Variants in MARF1 observed in about 807,000 individuals in gnomAD.
MARF1 encodes meiosis regulator and mRNA stability factor 1.
In MARF1, 24 loss-of-function variants were observed where a neutral mutation model predicts 168.2. The ratio of observed to expected loss-of-function variants is 0.14; its 90% CI spans 0.10 to 0.20. The LOEUF (loss-of-function observed/expected upper bound fraction) is 0.20, where lower values mean the gene tolerates loss of function less well. MARF1 is among the 10% of genes least tolerant of loss of function. The pLI is 1.00. For synonymous variants in MARF1, 868 were observed against 822.4 expected, an observed-to-expected ratio of 1.06 and a Z score of -0.95; for missense variants, 1,744 against 2,143.6, an observed-to-expected ratio of 0.81 and a Z score of 3.68.
intron 2 of MARF1, among the ~76,000 whole-genome samples, chr16:15,636,874 G>A (rs561863401): frequency 3.9e-5 from 6 of 152,238 alleles, no homozygotes; most frequent in Admixed American, 6.5e-5. Context: ...TGGCCCATCC[G>A]TGTTGCTGAT....
Position 15,599,014 on chromosome 16 carries a change from G to A in MARF1, c.4824C>T (p.His1608=), listed in dbSNP as rs369470257. ...KLGADGSGPS[H]TEQELLRLTD... ...TCAGGCGGAGAAGCTCCTGCTCTGTGTGACTGGGCCCTGGGCAAACAAGGA... is the reference window on the plus strand; with the variant it reads ...TCAGGCGGAGAAGCTCCTGCTCTGTATGACTGGGCCCTGGGCAAACAAGGA... Residue 1608 remains histidine (H), a synonymous_variant, in exon 26 of 27, where the codon CAC becomes CAT. Coordinates refer to ENST00000396368, the MANE Select transcript of MARF1 (RefSeq NM_014647.4). 2.0e-5 allele frequency: 32 copies of A among 1,607,954 alleles called. No individual in the cohort carries two copies. Among genetic ancestry groups the A allele is most frequent in the Non-Finnish European group, 2.6e-5 (31 of 1,177,568 alleles).
chr16:15,623,446 A>AT (rs1166243684), intron 10 of MARF1, among the ~76,000 whole-genome samples: 2 of 151,312 alleles, frequency 1.3e-5, no homozygotes, highest in African/African-American at 4.9e-5. Flanking sequence ...CACCCAGCTA[A>AT]TTTTTTTTAT....
At chr16:15,637,766 A>G (rs2035690720) in intron 2 of MARF1, among the ~76,000 whole-genome samples, 1 of 152,226 alleles carries the variant, frequency 6.6e-6, no homozygotes. Context: ...AACTGTCTCT[A>G]AAATAAAACA....
rs2034567533 is a variant in MARF1, at chr16:15,622,925, A to T, written c.2460+9T>A. 1 of 1,562,710 alleles carries T rather than the reference A, an allele frequency of 6.4e-7. No homozygotes were observed. The highest frequency in any genetic ancestry group is 1.4e-5 in the African/African-American group (1 of 73,652). On this transcript the variant is annotated intron_variant, in intron 11 of 26. Transcript: ENST00000396368. ...TATAACAAAGCAAGCACAAGAGGGA[A>T]AAAGTTACCTTGCCATGCCTGGCAA...
At chr16:15,616,269 C>T (rs910043323) in intron 15 of MARF1, among the ~76,000 whole-genome samples, 5 of 152,152 alleles carry the variant, frequency 3.3e-5, no homozygotes, top group African/African-American at 4.8e-5. Flanking sequence ...AAGTCAGTTA[C>T]GCGTCTGCTT....
At chr16:15,627,004 T>C (rs898966498) in intron 7 of MARF1, among the ~76,000 whole-genome samples, 25 of 131,838 alleles carry the variant, frequency 1.9e-4, no homozygotes, top group Non-Finnish European at 3.4e-4. Context: ...GAAGTAGAAC[T>C]GGAGAAAAAG....
chr16:15,621,569 A>G, intron 12 of MARF1, 164 bp downstream of exon 12: 1 of 699,730 alleles, frequency 1.4e-6, no homozygotes, highest in South Asian at 2.1e-5. Context: ...CTTAGACAAG[A>G]GTCAAATGGC....
chr16:15,600,401 C>G, intron 25 of MARF1, 27 bp downstream of exon 25: 1 of 1,613,978 alleles, frequency 6.2e-7, no homozygotes, highest in Non-Finnish European at 8.5e-7. Flanking sequence ...TTCACAAGCT[C>G]CTATGTCTCT....
intron 17 of MARF1, 35 bp downstream of exon 17, chr16:15,612,522 T>C (rs2033659242): frequency 1.9e-6 from 3 of 1,561,132 alleles, no homozygotes; most frequent in Non-Finnish European, 2.7e-6. Flanking sequence ...GGAACATTCC[T>C]GCCTGTAAAC....
In MARF1 at chr16:15,634,926, TGCTG is replaced by T; in HGVS notation, c.833_836del (p.Pro278GlnfsTer5). 2 of 1,610,662 alleles carry T rather than the reference TGCTG, an allele frequency of 1.2e-6. No homozygotes were observed. Among genetic ancestry groups the T allele is most frequent in the Non-Finnish European group, 1.7e-6 (2 of 1,178,760 alleles). The stretch of plus-strand genomic sequence containing the variant: ...TAGCCGCATCGATTATGCTATTTCT[TGCTG>T]GCTGTTTTAAATTTTTTTTAAAAAG... On this transcript the variant is annotated frameshift_variant and splice_region_variant, in exon 4 of 27. Transcript: ENST00000396368. LOFTEE classifies it high-confidence loss of function.
intron 8 of MARF1, 82 bp from the exon 9 acceptor site, chr16:15,625,255 G>A: frequency 2.6e-6 from 4 of 1,564,152 alleles, no homozygotes; most frequent in Non-Finnish European, 3.5e-6. Context: ...GATTGACTTT[G>A]AGTATCATCA....
chr16:15,613,891 T>C (rs1383966923), intron 16 of MARF1, among the ~76,000 whole-genome samples: 6 of 151,952 alleles, frequency 3.9e-5, no homozygotes, highest in Admixed American at 1.3e-4. Context: ...CCTTTTTTCC[T>C]GTAGGGTAAG....
intron 1 of MARF1, 122 bp downstream of exon 1, chr16:15,642,896 C>T (rs1162166514): frequency 6.0e-6 from 1 of 167,512 alleles, no homozygotes; most frequent in Non-Finnish European, 1.3e-5. Context: ...CTAACCTCCC[C>T]TCTCCACCAC....
chr16:15,634,745 A>G lies in MARF1; in HGVS notation c.1006+12T>C, dbSNP rs776333980. The G allele has an allele frequency of 6.2e-7, 1 of 1,607,058 alleles. No homozygotes were observed. The highest frequency in any genetic ancestry group is 1.1e-5 in the South Asian group (1 of 89,674). On this transcript the variant is annotated intron_variant, in intron 4 of 26. Transcript: ENST00000396368. Reference sequence around the variant, plus strand: ...TTTAAATATGCACATTTTATGCCATACTGTCATTTACCAAATTTTGAAGCA... The same window carrying G: ...TTTAAATATGCACATTTTATGCCATGCTGTCATTTACCAAATTTTGAAGCA...
intron 22 of MARF1, 91 bp from the exon 23 acceptor site, chr16:15,602,294 G>C (rs950096847): frequency 2.6e-5 from 26 of 1,001,362 alleles, no homozygotes; most frequent in South Asian, 6.8e-5. Flanking sequence ...AAAAGGCCCA[G>C]AGTTGAAGAC....
rs192438053 is a variant in MARF1 at position 15,635,793 on chromosome 16, C to A, written c.694G>T (p.Gly232Trp). Residue 232 changes from glycine (G) to tryptophan (W), a missense_variant, in exon 3 of 27, where the codon GGG becomes TGG. Physicochemically the swap from Gly to Trp is radical, Grantham distance 184. This residue lies in a region of MARF1 where 318 missense variants were observed against 336.6 expected (regional missense o/e 0.94). Transcript: ENST00000396368. Reference protein sequence around the residue: ...GYFPCSDFTSGAPGHLEEHIS... With the variant: ...GYFPCSDFTSWAPGHLEEHIS... Reference sequence around the variant, plus strand: ...TGCTCTTCCAAATGCCCTGGAGCCCCGCTTGTGAAATCAGAACAGGGGAAA... The same window carrying A: ...TGCTCTTCCAAATGCCCTGGAGCCCAGCTTGTGAAATCAGAACAGGGGAAA... 1.9e-6 allele frequency: 3 copies of A among 1,614,178 alleles called. No homozygotes were observed. The highest frequency in any genetic ancestry group is 1.1e-5 in the South Asian group (1 of 91,086).
At chr16:15,597,792 C>T (rs2031898024) in intron 26 of MARF1, among the ~76,000 whole-genome samples, 1 of 152,218 alleles carries the variant, frequency 6.6e-6, no homozygotes, top group Non-Finnish European at 1.5e-5. Context: ...GCACAAAGGC[C>T]ACAACCCCAC....
In MARF1 at chr16:15,600,516, A is replaced by G; in HGVS notation, c.4725T>C (p.His1575=). ...LSSLSLSPAN[H]ENQPSEGERI... is the part of the protein sequence containing the mutation. ...GCTCGCCCTCCGAGGGCTGGTTTTC[A>G]TGATTGGCAGGGGAGAGACTGAGTG... The change falls in exon 25 of 27, where the codon CAT becomes CAC. Residue 1575 remains histidine, a synonymous_variant. Coordinates refer to ENST00000396368, the MANE Select transcript of MARF1 (RefSeq NM_014647.4). The G allele has an allele frequency of 8.1e-6, 13 of 1,614,208 alleles. No homozygotes were observed. Among genetic ancestry groups the G allele is most frequent in the South Asian group, 2.2e-5 (2 of 91,086 alleles).
Position 15,615,909 on chromosome 16 carries a change from T to C in MARF1, c.3174A>G (p.Pro1058=), listed in dbSNP as rs551326687. The C allele has an allele frequency of 7.5e-6, 12 of 1,604,820 alleles. No individual in the cohort carries two copies. The African/African-American group carries it at 1.1e-4, about 14-fold the overall frequency. The part of the protein sequence containing the change: ...VPLEHFITCV[P]GVNIATAQNG... ...TCTGAGCAGTGGCAATGTTTACACC[T>C]GGAACACAGGTAATGAAGTGTTCTA... The change falls in exon 16 of 27, where the codon CCA becomes CCG. Residue 1058 remains proline, a synonymous_variant. Coordinates refer to ENST00000396368, the MANE Select transcript of MARF1 (RefSeq NM_014647.4).
Sources: gnomAD v4.1 joint callset for allele counts (sites outside exome capture counted in the v4.1 genomes callset) on GRCh38, gnomAD v4.1.1 for gene constraint, gnomAD v4.1.1 regional missense constraint, MANE v1.5 for transcripts, NCBI Gene and HGNC (gene_info 2026-07-23, HGNC 2026-07-21) for gene names.